The following ELP4 variants were observed in gnomAD, a reference collection of about 807,000 sequenced individuals.
The protein encoded by ELP4 is elongator complex protein 4.
In ELP4, 51 loss-of-function variants were observed where a neutral mutation model predicts 48.9. The observed-to-expected ratio is 1.04, with a 90% CI of 0.83 to 1.32. The LOEUF (loss-of-function observed/expected upper bound fraction) is 1.32. ELP4 is among the 40% of genes most tolerant of loss of function. ELP4 has a pLI of 0.00. For synonymous variants in ELP4, 210 were observed against 189.2 expected, an observed-to-expected ratio of 1.11 and a Z score of -0.90; for missense variants, 519 against 514.6, an observed-to-expected ratio of 1.01 and a Z score of -0.08.
intron 3 of ELP4, among the ~76,000 whole-genome samples, chr11:31,553,413 A>G (rs1956881836): frequency 6.6e-6 from 1 of 152,112 alleles, no homozygotes; most frequent in Non-Finnish European, 1.5e-5. Context: ...AGAAGACCTC[A>G]ATAAAACAAA....
chr11:31,561,611 T>C (rs1483207974), intron 3 of ELP4, among the ~76,000 whole-genome samples: 1 of 152,014 alleles, frequency 6.6e-6, no homozygotes, highest in Non-Finnish European at 1.5e-5. Context: ...ACCTGACTAA[T>C]TTTTATATTT....
intron 9 of ELP4, among the ~76,000 whole-genome samples, chr11:31,742,551 C>G (rs1380250162): frequency 1.3e-5 from 2 of 152,228 alleles, no homozygotes; most frequent in African/African-American, 4.8e-5. Context: ...CGGCTGATCT[C>G]TCTGCAGAAA....
chr11:31,590,726 A>G (rs1207390792), intron 3 of ELP4, among the ~76,000 whole-genome samples: 1 of 152,212 alleles, frequency 6.6e-6, no homozygotes. Context: ...CAAATTGAGA[A>G]CAGGCATCTC....
At chr11:31,619,811 C>G (rs531322245) in intron 5 of ELP4, among the ~76,000 whole-genome samples, 1 of 151,986 alleles carries the variant, frequency 6.6e-6, no homozygotes, top group Non-Finnish European at 1.5e-5. Flanking sequence ...GATCCTCTCC[C>G]TCTTCCCACC....
intron 3 of ELP4, among the ~76,000 whole-genome samples, chr11:31,543,365 G>A (rs1340586507): frequency 6.6e-6 from 1 of 152,066 alleles, no homozygotes; most frequent in Non-Finnish European, 1.5e-5. Context: ...TGTCACCCAG[G>A]CTGGAGTGTA....
chr11:31,680,050 G>T (rs77332904), intron 9 of ELP4, among the ~76,000 whole-genome samples: 4 of 151,986 alleles, frequency 2.6e-5, no homozygotes, highest in Admixed American at 2.6e-4. Flanking sequence ...TTTTACTTGG[G>T]TAAGTTGTGA....
intron 9 of ELP4, among the ~76,000 whole-genome samples, chr11:31,691,342 G>A (rs147497702): frequency 1.3e-5 from 2 of 152,132 alleles, no homozygotes; most frequent in Non-Finnish European, 2.9e-5. Context: ...CAGTAATGAA[G>A]CAGGGATAAG....
chr11:31,711,694 A>G (rs1038735768), intron 9 of ELP4, among the ~76,000 whole-genome samples: 2 of 152,108 alleles, frequency 1.3e-5, no homozygotes, highest in African/African-American at 4.8e-5. Flanking sequence ...ACAATTTTCA[A>G]ATATTTTGAC....
chr11:31,515,053 A>ATATATATATATATG (rs139261349), intron 1 of ELP4, among the ~76,000 whole-genome samples: 3 of 149,194 alleles, frequency 2.0e-5, no homozygotes, highest in African/African-American at 7.4e-5. Flanking sequence ...ATATATATAT[A>ATATATATATATATG]TATGTATAGG....
intron 3 of ELP4, among the ~76,000 whole-genome samples, chr11:31,545,252 T>A (rs1448102549): frequency 6.6e-6 from 1 of 152,044 alleles, no homozygotes; most frequent in Admixed American, 6.6e-5. Context: ...TTGAGACGAA[T>A]GTATAACTAG....
In ELP4 at chr11:31,619,332, T is replaced by C. The variant is rs548271792; in HGVS notation, c.654-7778T>C. 1.8e-4 allele frequency among the ~76,000 whole-genome samples: 28 copies of C among 152,086 alleles called. 1 individual carries two copies. Among genetic ancestry groups the C allele is most frequent in the Admixed American group, 1.3e-3 (20 of 15,236 alleles). The stretch of plus-strand genomic sequence containing the variant: ...GCAGCCTGTGAGAAGACAGAGTATA[T>C]ATTTGGCTACACGTGCTGAGAATGT... On this transcript the variant is annotated intron_variant, in intron 5 of 9. Transcript: ENST00000640961.
chr11:31,529,745 A>T (rs1215346561), intron 2 of ELP4, among the ~76,000 whole-genome samples: 1 of 151,892 alleles, frequency 6.6e-6, no homozygotes, highest in Non-Finnish European at 1.5e-5. Flanking sequence ...CAGCTAGAAG[A>T]ATAATGACAG....
intron 9 of ELP4, among the ~76,000 whole-genome samples, chr11:31,665,679 G>A (rs1203957665): frequency 3.2e-5 from 1 of 31,104 alleles, no homozygotes; most frequent in Non-Finnish European, 6.1e-5. Context: ...TTTTTTTTTT[G>A]AGAGATTCTG....
At chr11:31,534,843 A>T (rs1956472933) in intron 2 of ELP4, among the ~76,000 whole-genome samples, 1 of 152,344 alleles carries the variant, frequency 6.6e-6, no homozygotes, top group East Asian at 1.9e-4. Context: ...TAATTACTTC[A>T]GGTAAAATCA....
intron 2 of ELP4, among the ~76,000 whole-genome samples, chr11:31,529,387 G>A (rs140329037): frequency 3.2e-3 from 491 of 152,188 alleles, no homozygotes; most frequent in African/African-American, 7.0e-3. Context: ...CTCCACCACC[G>A]TCACTGCTGT....
intron 9 of ELP4, among the ~76,000 whole-genome samples, chr11:31,726,170 AC>A (rs572080818): frequency 1.3e-5 from 2 of 152,314 alleles, no homozygotes; most frequent in South Asian, 4.1e-4. Context: ...TAATGAAAAT[AC>A]AGGATATAAG....
chr11:31,585,639 A>C lies in ELP4; in HGVS notation c.382-9131A>C, dbSNP rs1005635182. 2.0e-5 allele frequency among the ~76,000 whole-genome samples: 3 copies of C among 152,242 alleles called. No individual in the cohort carries two copies. The East Asian group carries it at 5.8e-4, about 29-fold the overall frequency. Reference sequence around the variant, plus strand: ...AGGAATTTAGTAAGAACATGAATTCAAGAAAATAAAATCACAAAGATAAAA... The same window carrying C: ...AGGAATTTAGTAAGAACATGAATTCCAGAAAATAAAATCACAAAGATAAAA... On this transcript the variant is annotated intron_variant, in intron 3 of 9. Transcript: ENST00000640961.
chr11:31,576,857 C>T (rs1297557012), intron 3 of ELP4, among the ~76,000 whole-genome samples: 1 of 152,134 alleles, frequency 6.6e-6, no homozygotes, highest in East Asian at 1.9e-4. Context: ...CAAAAACTGA[C>T]ACCCTAACAT....
chr11:31,565,065 C>T (rs548011315), intron 3 of ELP4, among the ~76,000 whole-genome samples: 16 of 152,296 alleles, frequency 1.1e-4, no homozygotes, highest in Admixed American at 3.3e-4. Flanking sequence ...TAATGATCAC[C>T]ATTCTAACTG....
Sources: allele counts gnomAD v4.1 joint callset (sites outside exome capture counted in the v4.1 genomes callset), GRCh38; gene constraint gnomAD v4.1.1; transcripts MANE v1.5; gene names NCBI Gene and HGNC (gene_info 2026-07-23, HGNC 2026-07-21).